The following FAF2 variants were observed in gnomAD, a reference collection of about 807,000 sequenced individuals.
FAF2 encodes the protein FAS-associated factor 2.
A neutral mutation model predicts 62.3 loss-of-function variants in FAF2; 9 were observed. The ratio of observed to expected loss-of-function variants is 0.14; its 90% CI spans 0.09 to 0.25. The LOEUF is 0.25. Ranked by LOEUF, FAF2 falls within the 10% of genes least tolerant of loss-of-function variation. FAF2 has a pLI of 1.00. For missense variants in FAF2, 368 were observed against 556.2 expected (o/e 0.66, Z 3.40); for synonymous variants, 202 against 198.0 (o/e 1.02, Z -0.17).
rs1344295089 is a variant in FAF2 at position 176,448,584 on chromosome 5, G to A, written c.63+114G>A. ...CAGATCCTTCTCAGACCAGCAGGCC[G>A]GCCCCCTCCCCCCCAGACTCCAACT... On this transcript the variant is annotated intron_variant, in intron 1 of 10. Coordinates refer to ENST00000261942, the MANE Select transcript of FAF2 (RefSeq NM_014613.3). 5 of 1,059,520 alleles carry A rather than the reference G, an allele frequency of 4.7e-6. No individual in the cohort carries two copies. The African/African-American group carries it at 6.5e-5, about 14-fold the overall frequency. 65.6% of individuals were successfully genotyped at this position (1,059,520 alleles called of 1,614,324 possible).
intron 10 of FAF2, among the ~76,000 whole-genome samples, chr5:176,503,067 TAAATA>T (rs1457097139): frequency 2.0e-5 from 3 of 150,906 alleles, no homozygotes; most frequent in Non-Finnish European, 4.4e-5. Context: ...ATGAATAAAA[TAAATA>T]AAAATAAAAA....
At position 176,507,884 on chromosome 5, in the gene FAF2, G is replaced by A. The variant is rs1581079851; in HGVS notation, c.*934G>A. Reference sequence around the variant, plus strand: ...GTTATGGGGTCTGAACCAAAGGATAGCAGCTCTTCATTCCTCTTCTGACAT... The same window carrying A: ...GTTATGGGGTCTGAACCAAAGGATAACAGCTCTTCATTCCTCTTCTGACAT... On this transcript the variant is annotated 3_prime_UTR_variant, in exon 11 of 11. Coordinates refer to ENST00000261942, the MANE Select transcript of FAF2 (RefSeq NM_014613.3). 1 of 152,840 alleles carries A rather than the reference G, an allele frequency of 6.5e-6. No homozygotes were observed. Among genetic ancestry groups the A allele is most frequent in the South Asian group, 2.1e-4 (1 of 4,824 alleles). The allele number at this position is 152,840 out of a possible 1,614,324, so 9.5% of individuals were successfully genotyped here. A position where few individuals can be genotyped will look rare whatever the true frequency, so the allele number is the denominator to read the frequency against.
At chr5:176,481,006 A>G (rs562421803) in intron 2 of FAF2, among the ~76,000 whole-genome samples, 59 of 152,232 alleles carry the variant, frequency 3.9e-4, no homozygotes, top group Middle Eastern at 3.4e-3. Flanking sequence ...GAAATGGAAC[A>G]GAGGATCTGG....
chr5:176,460,534 G>A, intron 1 of FAF2, among the ~76,000 whole-genome samples: 1 of 149,858 alleles, frequency 6.7e-6, no homozygotes, highest in African/African-American at 2.5e-5. Flanking sequence ...GTGTGTGTGT[G>A]TGTGTGTGTG....
In FAF2 at chr5:176,506,800, A is replaced by C; in HGVS notation, c.1188A>C (p.Glu396Asp). ...ACGACTTCTTATTCTCCTTGAAGGA[A>C]AGCCCAGAAAAGTTTCAGATTGAAG... ...VIHDFLFSLKESPEKFQIEAN... is the reference protein window; with the variant it reads ...VIHDFLFSLKDSPEKFQIEAN... The change falls in exon 11 of 11, where the codon GAA becomes GAC. Residue 396 changes from glutamate to aspartate, a missense_variant. Physicochemically the swap from Glu to Asp is conservative, Grantham distance 45. Around this residue, in one of 2 missense-constraint regions of FAF2, gnomAD observed 37 missense variants for 114.3 expected, o/e 0.32. Coordinates refer to ENST00000261942, the MANE Select transcript of FAF2 (RefSeq NM_014613.3). 1 of 1,613,958 alleles carries C rather than the reference A, an allele frequency of 6.2e-7. No individual in the cohort carries two copies. Among genetic ancestry groups the C allele is most frequent in the Non-Finnish European group, 8.5e-7 (1 of 1,179,934 alleles).
At chr5:176,483,451 T>G (rs1259018531) in intron 2 of FAF2, among the ~76,000 whole-genome samples, 2 of 152,216 alleles carry the variant, frequency 1.3e-5, no homozygotes, top group Admixed American at 6.5e-5. Context: ...TATAGTGTGA[T>G]CTAGGGGTTA....
intron 1 of FAF2, among the ~76,000 whole-genome samples, chr5:176,473,999 C>T (rs1256399407): frequency 1.3e-5 from 2 of 152,190 alleles, no homozygotes; most frequent in Non-Finnish European, 2.9e-5. Context: ...AGCCCTGATT[C>T]TTTTTATTAG....
At chr5:176,456,096 A>G (rs1415041800) in intron 1 of FAF2, among the ~76,000 whole-genome samples, 1 of 152,066 alleles carries the variant, frequency 6.6e-6, no homozygotes, top group Non-Finnish European at 1.5e-5. Flanking sequence ...ATTGAGACAG[A>G]GTTTTGCTCT....
At chr5:176,482,751 A>G (rs1038864087) in intron 2 of FAF2, among the ~76,000 whole-genome samples, 4 of 152,214 alleles carry the variant, frequency 2.6e-5, no homozygotes, top group Admixed American at 2.6e-4. Context: ...CCTGGGCTCC[A>G]GTGATTCTCC....
chr5:176,477,194 C>T lies in FAF2; in HGVS notation c.64-1994C>T, dbSNP rs1758715118. Among the ~76,000 whole-genome samples the T allele has an allele frequency of 2.0e-5, 3 of 147,922 alleles. No individual in the cohort carries two copies. In the South Asian group the frequency reaches 6.5e-4, roughly 32 times the overall value. On this transcript the variant is annotated intron_variant, in intron 1 of 10. Transcript: ENST00000261942. ...TCTCCTGACCTCATGATCTGACCGCCTCGGCCTCCCAAAGTGCTGAGATTA... is the reference window on the plus strand; with the variant it reads ...TCTCCTGACCTCATGATCTGACCGCTTCGGCCTCCCAAAGTGCTGAGATTA...
At chr5:176,504,449 T>G (rs1755644601) in intron 10 of FAF2, among the ~76,000 whole-genome samples, 1 of 151,978 alleles carries the variant, frequency 6.6e-6, no homozygotes, top group African/African-American at 2.4e-5. Flanking sequence ...CTGGGCATGG[T>G]GGTGCGCGCC....
intron 4 of FAF2, among the ~76,000 whole-genome samples, chr5:176,490,492 T>A (rs1437337289): frequency 6.8e-6 from 1 of 147,132 alleles, no homozygotes; most frequent in East Asian, 2.0e-4. Context: ...AAGTACAGGT[T>A]CCCTGTACTT....
chr5:176,486,255 A>T, intron 2 of FAF2, 100 bp from the exon 3 acceptor site: 1 of 1,472,422 alleles, frequency 6.8e-7, no homozygotes, highest in Non-Finnish European at 9.3e-7. Context: ...TGTATTCATG[A>T]CCATCCTGTT....
At chr5:176,491,524 A>G (rs998578498) in intron 4 of FAF2, among the ~76,000 whole-genome samples, 1 of 152,186 alleles carries the variant, frequency 6.6e-6, no homozygotes, top group Admixed American at 6.5e-5. Context: ...TGAAGTTCCT[A>G]TCCGTAAGTT....
intron 1 of FAF2, among the ~76,000 whole-genome samples, chr5:176,460,523 T>TGTGTGG (rs1758360148): frequency 6.8e-6 from 1 of 146,878 alleles, no homozygotes. Flanking sequence ...CGTGTGTGTG[T>TGTGTGG]GTGTGTGTGT....
chr5:176,495,448 C>T (rs764749898), intron 7 of FAF2, among the ~76,000 whole-genome samples: 4 of 151,124 alleles, frequency 2.6e-5, no homozygotes, highest in East Asian at 1.9e-4. Context: ...TCTTATTTCA[C>T]ACCATAAGGA....
At chr5:176,460,938 A>G (rs917814772) in intron 1 of FAF2, among the ~76,000 whole-genome samples, 1 of 152,068 alleles carries the variant, frequency 6.6e-6, no homozygotes, top group East Asian at 1.9e-4. Flanking sequence ...CCTGGGTGAC[A>G]GAGTAAGACC....
rs986267195 is a variant in FAF2 at position 176,504,597 on chromosome 5, A to G, written c.1156-2171A>G. On this transcript the variant is annotated intron_variant, in intron 10 of 10. Transcript: ENST00000261942. Reference sequence around the variant, plus strand: ...AGACTCCATCTCAAAAAAAAAAGGTATTTTTTTCACTCATATTGGTTTCAT... The same window carrying G: ...AGACTCCATCTCAAAAAAAAAAGGTGTTTTTTTCACTCATATTGGTTTCAT... Among the ~76,000 whole-genome samples, 57 of 151,900 alleles carry G rather than the reference A, an allele frequency of 3.8e-4. 2 individuals are homozygous for G. Among genetic ancestry groups the G allele is most frequent in the Middle Eastern group, 3.4e-3 (1 of 294 alleles).
chr5:176,460,952 T>C (rs1448213053), intron 1 of FAF2, among the ~76,000 whole-genome samples: 3 of 151,722 alleles, frequency 2.0e-5, no homozygotes, highest in Non-Finnish European at 4.4e-5. Context: ...TAAGACCCTT[T>C]GACTCAAAAA....
Sources: allele counts gnomAD v4.1 joint callset (sites outside exome capture counted in the v4.1 genomes callset), GRCh38; gene constraint gnomAD v4.1.1; regional missense constraint gnomAD v4.1.1; transcripts MANE v1.5; gene names NCBI Gene and HGNC (gene_info 2026-07-23, HGNC 2026-07-21).